The following FMN2 variants were observed in gnomAD, a reference collection of about 807,000 sequenced individuals.
The protein encoded by FMN2 is formin-2.
A neutral mutation model predicts 142.3 loss-of-function variants in FMN2; 51 were observed. The observed-to-expected ratio is 0.36, with a 90% CI of 0.29 to 0.45. The LOEUF is 0.45. FMN2 is among the 20% of genes least tolerant of loss of function. The pLI is 1.00. For missense variants in FMN2, 1,936 were observed against 2,122.8 expected (o/e 0.91, Z 1.73); for synonymous variants, 882 against 869.8 (o/e 1.01, Z -0.25).
At chr1:240,249,273 T>C (rs1252531697) in intron 6 of FMN2, among the ~76,000 whole-genome samples, 1 of 152,156 alleles carries the variant, frequency 6.6e-6, no homozygotes, top group Non-Finnish European at 1.5e-5. Flanking sequence ...ACTGATTTTG[T>C]ATATGGTGAG....
chr1:240,131,478 G>A (rs1662733245), intron 2 of FMN2, among the ~76,000 whole-genome samples: 1 of 152,126 alleles, frequency 6.6e-6, no homozygotes, highest in African/African-American at 2.4e-5. Context: ...GGAGGCTGAG[G>A]TGGGCAGATC....
At chr1:240,353,780 A>G (rs891127808) in intron 13 of FMN2, among the ~76,000 whole-genome samples, 1 of 152,198 alleles carries the variant, frequency 6.6e-6, no homozygotes, top group African/African-American at 2.4e-5. Context: ...TCCCTGGCAC[A>G]TAAAAAGTAC....
intron 7 of FMN2, among the ~76,000 whole-genome samples, chr1:240,271,342 A>AT (rs1374580472): frequency 6.7e-6 from 1 of 149,328 alleles, no homozygotes; most frequent in Non-Finnish European, 1.5e-5. Context: ...TCATTTGTTT[A>AT]TTTTTGTAAT....
intron 14 of FMN2, among the ~76,000 whole-genome samples, chr1:240,372,012 G>T (rs192866043): frequency 2.0e-4 from 31 of 152,178 alleles, no homozygotes; most frequent in African/African-American, 7.0e-4. Flanking sequence ...GAGGCGGGTG[G>T]ATCACCTGAG....
chr1:240,292,069 A>T (rs1669812436), intron 7 of FMN2, among the ~76,000 whole-genome samples: 1 of 152,220 alleles, frequency 6.6e-6, no homozygotes. Context: ...AAAAATTTAA[A>T]TTTAAACTTA....
intron 15 of FMN2, among the ~76,000 whole-genome samples, chr1:240,422,745 T>A (rs375369888): frequency 6.6e-6 from 1 of 152,206 alleles, no homozygotes; most frequent in South Asian, 2.1e-4. Flanking sequence ...CTTTTTTGTC[T>A]TATTGCAATA....
At chr1:240,368,026 T>C (rs1361389071) in intron 14 of FMN2, among the ~76,000 whole-genome samples, 1 of 152,176 alleles carries the variant, frequency 6.6e-6, no homozygotes, top group African/African-American at 2.4e-5. Context: ...ATTTCTATCA[T>C]GTAGGAACTT....
At chr1:240,354,767 T>A (rs1672209251) in intron 13 of FMN2, among the ~76,000 whole-genome samples, 1 of 152,092 alleles carries the variant, frequency 6.6e-6, no homozygotes, top group Admixed American at 6.5e-5. Context: ...AGAAAATATA[T>A]TAGAAATGCA....
At chr1:240,367,412 C>A (rs1172763189) in intron 14 of FMN2, among the ~76,000 whole-genome samples, 3 of 152,066 alleles carry the variant, frequency 2.0e-5, no homozygotes, top group African/African-American at 7.2e-5. Context: ...TTTAAAAGTT[C>A]TTTATTTCTA....
rs377286563 is a variant in FMN2 at position 240,180,903 on chromosome 1, A to G, written c.1930+2835A>G. Reference sequence around the variant, plus strand: ...ATTTTAATTCAAAGTGAAAGAGTTCAGTGACATTTTCTGAAGAAGAAAGAC... The same window carrying G: ...ATTTTAATTCAAAGTGAAAGAGTTCGGTGACATTTTCTGAAGAAGAAAGAC... On this transcript the variant is annotated intron_variant, in intron 3 of 17. Transcript: ENST00000319653. 3.9e-5 allele frequency among the ~76,000 whole-genome samples: 6 copies of G among 151,916 alleles called. No homozygotes were observed. In the East Asian group the frequency reaches 1.2e-3, roughly 30 times the overall value.
chr1:240,409,098 T>G (rs1002737106), intron 15 of FMN2, among the ~76,000 whole-genome samples: 5 of 152,184 alleles, frequency 3.3e-5, no homozygotes, highest in African/African-American at 1.2e-4. Flanking sequence ...AGCCGTGGTC[T>G]CAGATATGAG....
At chr1:240,298,410 G>C (rs935502784) in intron 8 of FMN2, among the ~76,000 whole-genome samples, 2 of 152,198 alleles carry the variant, frequency 1.3e-5, no homozygotes, top group Admixed American at 6.5e-5. Context: ...CACAGCAATA[G>C]CTCCAGAACC....
At chr1:240,144,801 C>T (rs1047603480) in intron 2 of FMN2, 52 of 1,433,010 alleles carry the variant, frequency 3.6e-5, no homozygotes, top group East Asian at 1.8e-4. Flanking sequence ...TTGTAGGGGA[C>T]GATTTCCTTC....
At chr1:240,334,390 T>C (rs896047633) in intron 13 of FMN2, among the ~76,000 whole-genome samples, 161 bp downstream of exon 13, 1 of 152,214 alleles carries the variant, frequency 6.6e-6, no homozygotes, top group African/African-American at 2.4e-5. Context: ...TCTTATTCTT[T>C]GGTTGTTTAA....
intron 1 of FMN2, among the ~76,000 whole-genome samples, chr1:240,108,319 C>T (rs1661688561): frequency 6.6e-6 from 1 of 152,186 alleles, no homozygotes; most frequent in Admixed American, 6.5e-5. Flanking sequence ...TACTATAAAA[C>T]CTGCAGCATT....
At chr1:240,326,929 T>C (rs907345801) in intron 8 of FMN2, among the ~76,000 whole-genome samples, 2 of 152,194 alleles carry the variant, frequency 1.3e-5, no homozygotes, top group Non-Finnish European at 2.9e-5. Context: ...TTTAGAATAT[T>C]ACCTGAGTCT....
intron 6 of FMN2, among the ~76,000 whole-genome samples, chr1:240,233,372 G>A (rs549530625): frequency 1.0e-3 from 149 of 146,700 alleles, no homozygotes; most frequent in African/African-American, 3.7e-3. Context: ...GTGACAGAGC[G>A]AGACTTCATC....
chr1:240,402,312 G>A (rs1054051733), intron 15 of FMN2, among the ~76,000 whole-genome samples: 3 of 152,208 alleles, frequency 2.0e-5, no homozygotes, highest in South Asian at 2.1e-4. Context: ...AGTTTTAAAT[G>A]TGCTAATTCT....
chr1:240,221,434 A>G (rs1667108117), intron 6 of FMN2, among the ~76,000 whole-genome samples: 1 of 152,050 alleles, frequency 6.6e-6, no homozygotes, highest in African/African-American at 2.4e-5. Context: ...ATGGTATCTC[A>G]TTGTGTTTTT....
Sources: gnomAD v4.1 joint callset for allele counts (sites outside exome capture counted in the v4.1 genomes callset) on GRCh38, gnomAD v4.1.1 for gene constraint, MANE v1.5 for transcripts, NCBI Gene and HGNC (gene_info 2026-07-23, HGNC 2026-07-21) for gene names.